Variants in FAM168A observed in about 807,000 individuals in gnomAD.
FAM168A encodes family with sequence similarity 168 member A.
A neutral mutation model predicts 28.5 loss-of-function variants in FAM168A; 3 were observed. The observed-to-expected ratio is 0.11, with a 90% CI of 0.05 to 0.27. The LOEUF (loss-of-function observed/expected upper bound fraction) is 0.27, where lower values mean the gene tolerates loss of function less well. Ranked by LOEUF, FAM168A falls within the 10% of genes least tolerant of loss-of-function variation. FAM168A has a pLI of 1.00. For synonymous variants in FAM168A, 122 were observed against 124.2 expected (o/e 0.98, Z 0.12); for missense variants, 222 against 311.5 (o/e 0.71, Z 2.16).
At chr11:73,416,587 C>G (rs183327566) in intron 4 of FAM168A, among the ~76,000 whole-genome samples, 50 of 152,244 alleles carry the variant, frequency 3.3e-4, no homozygotes, top group South Asian at 2.1e-3. Flanking sequence ...CTAGAAGCCA[C>G]AAAATCTGAA....
rs545728822 is a variant in FAM168A at position 73,519,788 on chromosome 11, G to C, written c.-18-51296C>G. ...AAGACCAGAGCATGTATGTGTGTGT[G>C]TGTGTGCGTGTGCGTTTGTGTGTGT... On this transcript the variant is annotated intron_variant, in intron 1 of 7. Transcript: ENST00000356467. Among the ~76,000 whole-genome samples the C allele has an allele frequency of 4.8e-3, 724 of 151,910 alleles. 7 individuals carry two copies. Among genetic ancestry groups the C allele is most frequent in the African/African-American group, 0.017 (697 of 41,398 alleles).
intron 1 of FAM168A, among the ~76,000 whole-genome samples, chr11:73,581,694 C>T (rs1425346585): frequency 6.6e-6 from 1 of 152,126 alleles, no homozygotes; most frequent in Non-Finnish European, 1.5e-5. Flanking sequence ...TATTTTATAA[C>T]ATCTATAACA....
At chr11:73,427,960 T>C (rs954476615) in intron 3 of FAM168A, among the ~76,000 whole-genome samples, 1 of 152,134 alleles carries the variant, frequency 6.6e-6, no homozygotes, top group Non-Finnish European at 1.5e-5. Context: ...CATCCTGACC[T>C]CCCTGGTTAA....
chr11:73,427,489 C>G (rs895864680), intron 3 of FAM168A, among the ~76,000 whole-genome samples: 2 of 152,154 alleles, frequency 1.3e-5, no homozygotes, highest in African/African-American at 4.8e-5. Flanking sequence ...CTTAATTTCT[C>G]TCTGGCCCAC....
At chr11:73,462,927 GA>G (rs940775628) in intron 2 of FAM168A, among the ~76,000 whole-genome samples, 2 of 151,148 alleles carry the variant, frequency 1.3e-5, no homozygotes, top group Non-Finnish European at 3.0e-5. Flanking sequence ...GAAGAGAAGA[GA>G]AAAGAGAAGA....
chr11:73,511,812 A>T (rs1254104973), intron 1 of FAM168A, among the ~76,000 whole-genome samples: 1 of 152,174 alleles, frequency 6.6e-6, no homozygotes, highest in Non-Finnish European at 1.5e-5. Flanking sequence ...ACTTCACAGG[A>T]TTAGCCTGAG....
intron 2 of FAM168A, among the ~76,000 whole-genome samples, chr11:73,454,025 G>C (rs1459932291): frequency 1.3e-5 from 2 of 152,180 alleles, no homozygotes; most frequent in Non-Finnish European, 2.9e-5. Flanking sequence ...TGGCTTTCAT[G>C]GTCTATTGAG....
intron 2 of FAM168A, among the ~76,000 whole-genome samples, chr11:73,457,738 AAAAAAAAAAAAAG>A (rs1276511356): frequency 2.2e-5 from 3 of 138,180 alleles, no homozygotes; most frequent in East Asian, 1.9e-4. Flanking sequence ...AAAAAAAAAA[AAAAAAAAAAAAAG>A]AAAAGAAAAG....
At chr11:73,513,662 C>T (rs1400932722) in intron 1 of FAM168A, among the ~76,000 whole-genome samples, 1 of 152,054 alleles carries the variant, frequency 6.6e-6, no homozygotes, top group African/African-American at 2.4e-5. Flanking sequence ...GGACGACGGC[C>T]CTCCAGAGTC....
chr11:73,462,021 T>C (rs962471951), intron 2 of FAM168A, among the ~76,000 whole-genome samples: 2 of 152,182 alleles, frequency 1.3e-5, no homozygotes, highest in African/African-American at 2.4e-5. Context: ...CAAGGGAGTA[T>C]GTAAAATGCT....
intron 2 of FAM168A, among the ~76,000 whole-genome samples, chr11:73,439,855 T>C (rs1473577500): frequency 1.3e-5 from 2 of 150,910 alleles, no homozygotes; most frequent in Non-Finnish European, 2.9e-5. Context: ...ATTTGGTCCA[T>C]GAATACCTTT....
intron 1 of FAM168A, among the ~76,000 whole-genome samples, chr11:73,529,755 T>A (rs555670829): frequency 6.6e-6 from 1 of 151,688 alleles, no homozygotes; most frequent in African/African-American, 2.4e-5. Context: ...TAACTTTCCC[T>A]ATCTTCAAGA....
At chr11:73,489,109 G>A (rs967856695) in intron 1 of FAM168A, among the ~76,000 whole-genome samples, 7 of 152,104 alleles carry the variant, frequency 4.6e-5, no homozygotes. Flanking sequence ...TTGAACTCCT[G>A]ACCTCTTGAT....
At chr11:73,572,677 GCAT>G (rs1944117627) in intron 1 of FAM168A, among the ~76,000 whole-genome samples, 1 of 149,584 alleles carries the variant, frequency 6.7e-6, no homozygotes, top group Non-Finnish European at 1.5e-5. Context: ...CTTGAAGGCA[GCAT>G]GCTCGTTAAG....
At chr11:73,492,022 A>G (rs1842047788) in intron 1 of FAM168A, among the ~76,000 whole-genome samples, 1 of 152,238 alleles carries the variant, frequency 6.6e-6, no homozygotes, top group African/African-American at 2.4e-5. Context: ...AGAAATAAAA[A>G]GATAGCTTTA....
chr11:73,508,549 A>G (rs1169971913), intron 1 of FAM168A, among the ~76,000 whole-genome samples: 2 of 152,008 alleles, frequency 1.3e-5, no homozygotes, highest in African/African-American at 4.8e-5. Flanking sequence ...GCGTGCGTGC[A>G]TGCGTGGGTG....
intron 3 of FAM168A, among the ~76,000 whole-genome samples, chr11:73,428,509 A>C (rs1866928180): frequency 6.6e-6 from 1 of 152,228 alleles, no homozygotes; most frequent in South Asian, 2.1e-4. Context: ...AAGACAATGA[A>C]TCTTCTTCAC....
chr11:73,452,591 T>C (rs1314321092), intron 2 of FAM168A, among the ~76,000 whole-genome samples: 3 of 152,266 alleles, frequency 2.0e-5, no homozygotes, highest in East Asian at 1.9e-4. Context: ...AGGAGGCCTG[T>C]TCTCCATAGG....
chr11:73,553,703 C>T (rs1439017780), intron 1 of FAM168A, among the ~76,000 whole-genome samples: 1 of 152,102 alleles, frequency 6.6e-6, no homozygotes, highest in Non-Finnish European at 1.5e-5. Flanking sequence ...TATACCTGGC[C>T]GGGCGCAGTG....
Sources: allele counts gnomAD v4.1 joint callset (sites outside exome capture counted in the v4.1 genomes callset), GRCh38; gene constraint gnomAD v4.1.1; transcripts MANE v1.5; gene names NCBI Gene and HGNC (gene_info 2026-07-23, HGNC 2026-07-21).